The following TUSC3 variants were observed in gnomAD, a reference collection of about 807,000 sequenced individuals.
TUSC3 encodes tumor suppressor candidate 3, also known as dolichyl-diphosphooligosaccharide--protein glycosyltransferase subunit TUSC3.
A neutral mutation model predicts 44.8 loss-of-function variants in TUSC3; 45 were observed. That is an observed-to-expected ratio of 1.00 (90% CI 0.79 to 1.29). TUSC3 has a LOEUF of 1.29. Ranked by LOEUF, TUSC3 falls within the 50% of genes most tolerant of loss-of-function variation. The pLI is 0.00. For missense variants in TUSC3, 519 were observed against 437.9 expected (o/e 1.19, Z -1.65); for synonymous variants, 212 against 152.9 (o/e 1.39, Z -2.85).
At chr8:15,543,740 G>T (rs56988761) in intron 1 of TUSC3, among the ~76,000 whole-genome samples, 29,403 of 144,002 alleles carry the variant, frequency 0.2, 2,922 homozygotes, top group East Asian at 0.33. Context: ...TTTTGAATTG[G>T]TTTTTTTTTT....
At chr8:15,473,364 C>A (rs987938636) in intron 1 of TUSC3, among the ~76,000 whole-genome samples, 3 of 152,180 alleles carry the variant, frequency 2.0e-5, no homozygotes, top group African/African-American at 7.2e-5. Flanking sequence ...CATACCCTGT[C>A]CTTGCTAGTA....
At chr8:15,459,167 TTC>T (rs1188504734) in intron 1 of TUSC3, among the ~76,000 whole-genome samples, 1 of 152,182 alleles carries the variant, frequency 6.6e-6, no homozygotes, top group East Asian at 1.9e-4. Flanking sequence ...ATGACAAAGC[TTC>T]ATCACTATGA....
chr8:15,719,714 C>T (rs1389157531), intron 6 of TUSC3, among the ~76,000 whole-genome samples: 1 of 152,086 alleles, frequency 6.6e-6, no homozygotes, highest in Non-Finnish European at 1.5e-5. Context: ...TTTCTAAAAA[C>T]TTTAACTTAT....
At chr8:15,827,759 T>A in the TUSC3 span, among the ~76,000 whole-genome samples, 1 of 152,156 alleles carries the variant, frequency 6.6e-6, no homozygotes, top group Admixed American at 6.5e-5. Context: ...TGAGTCTCAC[T>A]GATAACTGAT....
the TUSC3 span, among the ~76,000 whole-genome samples, chr8:15,831,284 A>C: frequency 6.6e-6 from 1 of 152,214 alleles, no homozygotes; most frequent in African/African-American, 2.4e-5. Flanking sequence ...AGGATAAAAG[A>C]AAAGAAAAAA....
At chr8:15,719,348 G>C (rs566727715) in intron 6 of TUSC3, among the ~76,000 whole-genome samples, 1 of 152,070 alleles carries the variant, frequency 6.6e-6, no homozygotes, top group South Asian at 2.1e-4. Context: ...ACTGTGCTCA[G>C]ATGCCAAAGA....
chr8:15,795,414 A>G, the TUSC3 span, among the ~76,000 whole-genome samples: 1 of 152,166 alleles, frequency 6.6e-6, no homozygotes, highest in African/African-American at 2.4e-5. Flanking sequence ...CAAATTTTGT[A>G]TCACCATTTC....
At chr8:15,833,505 C>G in the TUSC3 span, among the ~76,000 whole-genome samples, 85,550 of 152,046 alleles carry the variant, frequency 0.56, 26,627 homozygotes, top group Non-Finnish European at 0.72. Context: ...TGGTAGTCCA[C>G]GGAATACTAT....
chr8:15,669,307 C>G (rs1807832225), intron 5 of TUSC3, among the ~76,000 whole-genome samples: 1 of 151,772 alleles, frequency 6.6e-6, no homozygotes, highest in Admixed American at 6.6e-5. Context: ...TGATGACTAA[C>G]TCTTCTAAAC....
chr8:15,511,250 AG>A (rs1430548451), intron 2 of TUSC3, among the ~76,000 whole-genome samples: 20 of 151,908 alleles, frequency 1.3e-4, no homozygotes, highest in African/African-American at 4.8e-4. Context: ...AGAAGGAGGG[AG>A]GAAGGGAAGA....
chr8:15,772,071 A>G, the TUSC3 span, among the ~76,000 whole-genome samples: 2 of 152,166 alleles, frequency 1.3e-5, no homozygotes, highest in South Asian at 4.1e-4. Flanking sequence ...CCTGGGCCAC[A>G]GAGCAAGACT....
intron 2 of TUSC3, among the ~76,000 whole-genome samples, chr8:15,643,564 A>G (rs2129172645): frequency 6.6e-6 from 1 of 152,324 alleles, no homozygotes; most frequent in African/African-American, 2.4e-5. Flanking sequence ...TTGTTTTCCA[A>G]GGAAAGATCT....
chr8:15,611,680 C>G (rs1270546397), intron 1 of TUSC3, among the ~76,000 whole-genome samples: 1 of 152,154 alleles, frequency 6.6e-6, no homozygotes, highest in East Asian at 1.9e-4. Flanking sequence ...TACTGTATAG[C>G]TCATTGTGGT....
intron 9 of TUSC3, chr8:15,748,912 A>T (rs1264369026): frequency 5.4e-6 from 2 of 373,026 alleles, no homozygotes; most frequent in East Asian, 1.5e-4. Flanking sequence ...AAGTAATAAA[A>T]TAATTTCTGG....
the TUSC3 span, among the ~76,000 whole-genome samples, chr8:15,773,901 C>G: frequency 2.6e-5 from 4 of 152,074 alleles, no homozygotes; most frequent in African/African-American, 7.2e-5. Flanking sequence ...AAAAGTAACT[C>G]AAAATGGATC....
chr8:15,838,546 T>A, the TUSC3 span, among the ~76,000 whole-genome samples: 1 of 152,296 alleles, frequency 6.6e-6, no homozygotes, highest in East Asian at 1.9e-4. Context: ...GACCTTTCAA[T>A]GGAAACCTTT....
At chr8:15,647,294 A>T (rs1043264359) in intron 2 of TUSC3, among the ~76,000 whole-genome samples, 2 of 152,166 alleles carry the variant, frequency 1.3e-5, no homozygotes, top group African/African-American at 2.4e-5. Flanking sequence ...TGACCCGCTC[A>T]AAAGAATATA....
chr8:15,650,932 G>A (rs1299065033), intron 3 of TUSC3, 118 bp downstream of exon 3: 11 of 1,027,614 alleles, frequency 1.1e-5, no homozygotes, highest in Admixed American at 1.7e-5. Context: ...GGAGGTTGCA[G>A]TGAGCCGAGA....
At chr8:15,788,426 G>A in the TUSC3 span, among the ~76,000 whole-genome samples, 2 of 151,598 alleles carry the variant, frequency 1.3e-5, no homozygotes, top group Non-Finnish European at 1.5e-5. Flanking sequence ...AGGCACCTGT[G>A]ATCGCAGCTA....
Sources: gnomAD v4.1 joint callset for allele counts (sites outside exome capture counted in the v4.1 genomes callset) on GRCh38, gnomAD v4.1.1 for gene constraint, MANE v1.5 for transcripts, NCBI Gene and HGNC (gene_info 2026-07-23, HGNC 2026-07-21) for gene names.